CLSTN2: variants seen among roughly 807,000 people sequenced by gnomAD.
CLSTN2 encodes the protein calsyntenin-2.
A neutral mutation model predicts 101.2 loss-of-function variants in CLSTN2; 48 were observed. That is an observed-to-expected ratio of 0.47 (90% CI 0.38 to 0.60). CLSTN2 has a LOEUF of 0.60. Among genes scored for constraint, CLSTN2 ranks in the 20% least tolerant of loss-of-function variants. The pLI, the probability that CLSTN2 is intolerant of heterozygous loss-of-function variation, is 0.00. For synonymous variants in CLSTN2, 481 were observed against 463.6 expected, an observed-to-expected ratio of 1.04 and a Z score of -0.48; for missense variants, 1,160 against 1,238.2, an observed-to-expected ratio of 0.94 and a Z score of 0.95.
rs937232302 is a variant in CLSTN2 at position 140,177,694 on chromosome 3, G to A, written c.232+1621G>A. Among the ~76,000 whole-genome samples the A allele has an allele frequency of 1.8e-4, 28 of 152,084 alleles. 1 individual carries two copies. Among genetic ancestry groups the A allele is most frequent in the Non-Finnish European group, 5.9e-5 (4 of 68,030 alleles). On this transcript the variant is annotated intron_variant, in intron 2 of 16. Coordinates refer to ENST00000458420, the MANE Select transcript of CLSTN2 (RefSeq NM_022131.3). ...CCTGGTCCTAGTTTCTCAGGAAGCC[G>A]AGGCAGGAGGATCGCTTGACTCAAG...
intron 4 of CLSTN2, among the ~76,000 whole-genome samples, chr3:140,420,050 A>G (rs78505980): frequency 0.58 from 86,286 of 148,538 alleles, 27,493 homozygotes; most frequent in African/African-American, 0.86. Context: ...GTACCATCAC[A>G]CCTGGTTAAT....
chr3:140,561,973 A>G (rs546567126), intron 12 of CLSTN2, among the ~76,000 whole-genome samples, 165 bp from the exon 13 acceptor site: 1 of 152,266 alleles, frequency 6.6e-6, no homozygotes, highest in East Asian at 1.9e-4. Context: ...ATCCTCAGGG[A>G]TGCCTGGACA....
chr3:140,303,457 C>T (rs1360107198), intron 2 of CLSTN2, among the ~76,000 whole-genome samples: 1 of 152,162 alleles, frequency 6.6e-6, no homozygotes, highest in Non-Finnish European at 1.5e-5. Flanking sequence ...TTTAGCTTCT[C>T]TCACAGTTTT....
chr3:139,993,036 G>A (rs770473736), intron 1 of CLSTN2, among the ~76,000 whole-genome samples: 11 of 152,106 alleles, frequency 7.2e-5, no homozygotes, highest in Non-Finnish European at 1.3e-4. Flanking sequence ...TCCCCTATGA[G>A]GAAAGAGGGC....
At chr3:140,126,421 T>A (rs2009430938) in intron 1 of CLSTN2, among the ~76,000 whole-genome samples, 1 of 151,980 alleles carries the variant, frequency 6.6e-6, no homozygotes, top group Non-Finnish European at 1.5e-5. Flanking sequence ...CCCTGACATG[T>A]AGTAAGTTAG....
At chr3:139,961,335 C>T (rs1007679900) in intron 1 of CLSTN2, among the ~76,000 whole-genome samples, 4 of 152,140 alleles carry the variant, frequency 2.6e-5, no homozygotes, top group South Asian at 2.1e-4. Flanking sequence ...TCATTGTGCA[C>T]GTGTTTGTGT....
intron 2 of CLSTN2, among the ~76,000 whole-genome samples, chr3:140,324,212 T>A (rs1336720041): frequency 1.3e-5 from 2 of 152,226 alleles, no homozygotes; most frequent in Non-Finnish European, 2.9e-5. Flanking sequence ...ATTTAAAAAT[T>A]GTCATGCTTA....
intron 6 of CLSTN2, among the ~76,000 whole-genome samples, chr3:140,452,083 C>T (rs747706415): frequency 5.9e-4 from 90 of 152,236 alleles, no homozygotes; most frequent in South Asian, 1.7e-3. Flanking sequence ...GAGTGTCTAA[C>T]TGAATGAGGG....
At chr3:140,522,620 T>TAGTAAGTCCGCTAGCTGTAGCTA (rs1553751263) in intron 8 of CLSTN2, among the ~76,000 whole-genome samples, 2 of 152,250 alleles carry the variant, frequency 1.3e-5, no homozygotes, top group African/African-American at 4.8e-5. Flanking sequence ...TACTGTAGCA[T>TAGTAAGTCCGCTAGCTGTAGCTA]GCTAGTCCGC....
chr3:140,372,125 G>T (rs894723572), intron 2 of CLSTN2, among the ~76,000 whole-genome samples: 1 of 152,116 alleles, frequency 6.6e-6, no homozygotes, highest in African/African-American at 2.4e-5. Flanking sequence ...GCCCTGCCTG[G>T]AATCCCACAC....
intron 5 of CLSTN2, among the ~76,000 whole-genome samples, chr3:140,428,569 T>A (rs1172428322): frequency 6.6e-6 from 1 of 152,162 alleles, no homozygotes; most frequent in East Asian, 1.9e-4. Flanking sequence ...GGAGCCCTTC[T>A]TTGTCTGCTC....
intron 1 of CLSTN2, among the ~76,000 whole-genome samples, chr3:140,134,489 T>C (rs2009570079): frequency 6.6e-6 from 1 of 152,100 alleles, no homozygotes; most frequent in African/African-American, 2.4e-5. Context: ...CATAAGGCCC[T>C]CCAAGCAGTC....
In CLSTN2 at chr3:140,476,098, G is replaced by A. The variant is rs137980669; in HGVS notation, c.1344+9367G>A. ...GATTGGTGCCAGTGGGAGGGAGGGA[G>A]GCGTCTCCTTGGCTTGGAACCCAAA... On this transcript the variant is annotated intron_variant, in intron 8 of 16. Coordinates refer to ENST00000458420, the MANE Select transcript of CLSTN2 (RefSeq NM_022131.3). Among the ~76,000 whole-genome samples, 6 of 152,276 alleles carry A rather than the reference G, an allele frequency of 3.9e-5. No individual in the cohort carries two copies. In the East Asian group the frequency reaches 9.7e-4, roughly 25 times the overall value.
intron 2 of CLSTN2, among the ~76,000 whole-genome samples, chr3:140,398,344 CT>C (rs1206848761): frequency 2.8e-4 from 42 of 152,258 alleles, no homozygotes; most frequent in African/African-American, 8.4e-4. Context: ...TAAAGTCATT[CT>C]TAAGTGAAAT....
At chr3:140,227,684 G>T (rs1487748646) in intron 2 of CLSTN2, among the ~76,000 whole-genome samples, 1 of 152,108 alleles carries the variant, frequency 6.6e-6, no homozygotes, top group Non-Finnish European at 1.5e-5. Context: ...GCAAACTTCT[G>T]TCTGGGCATC....
intron 2 of CLSTN2, among the ~76,000 whole-genome samples, chr3:140,279,094 C>T (rs1056962283): frequency 5.3e-5 from 8 of 152,200 alleles, no homozygotes; most frequent in Admixed American, 4.6e-4. Context: ...AATCATGCAG[C>T]AAGTATATTT....
chr3:140,174,835 A>T (rs762402218), intron 1 of CLSTN2, among the ~76,000 whole-genome samples: 6 of 152,218 alleles, frequency 3.9e-5, no homozygotes, highest in Non-Finnish European at 8.8e-5. Context: ...TTGGATGGGA[A>T]CACAGAGCCA....
intron 2 of CLSTN2, among the ~76,000 whole-genome samples, chr3:140,198,182 ATCT>A (rs1380325006): frequency 6.6e-6 from 1 of 152,192 alleles, no homozygotes; most frequent in African/African-American, 2.4e-5. Flanking sequence ...CTTAAATTTT[ATCT>A]TCTTACTGTA....
chr3:140,343,485 C>T (rs1576524210), intron 2 of CLSTN2, among the ~76,000 whole-genome samples: 1 of 152,182 alleles, frequency 6.6e-6, no homozygotes, highest in South Asian at 2.1e-4. Flanking sequence ...TAAGTCTGTA[C>T]TTTTAAAAGA....
Sources: allele counts gnomAD v4.1 joint callset (sites outside exome capture counted in the v4.1 genomes callset), GRCh38; gene constraint gnomAD v4.1.1; transcripts MANE v1.5; gene names NCBI Gene and HGNC (gene_info 2026-07-23, HGNC 2026-07-21).